ATP2C2: variants seen among roughly 807,000 people sequenced by gnomAD.
The protein encoded by ATP2C2 is ATPase secretory pathway Ca2+ transporting 2.
Under a neutral mutation model 110.8 loss-of-function variants are expected in ATP2C2, and 171 were observed. That is an observed-to-expected ratio of 1.54 (90% CI 1.36 to 1.75). The LOEUF is 1.75. Among genes scored for constraint, ATP2C2 ranks in the 40% most tolerant of loss-of-function variants. The pLI, the probability that ATP2C2 is intolerant of heterozygous loss-of-function variation, is 0.00. For missense variants in ATP2C2, 1,963 were observed against 1,235.0 expected (o/e 1.59, Z -8.84); for synonymous variants, 804 against 508.4 (o/e 1.58, Z -7.82).
intron 23 of ATP2C2, 114 bp from the exon 24 acceptor site, chr16:84,460,540 C>T: frequency 6.8e-6 from 10 of 1,468,980 alleles, no homozygotes; most frequent in South Asian, 1.1e-5. Context: ...TCAGCAAATG[C>T]CTGGCCCTGC....
chr16:84,446,058 G>A (rs1909719378), intron 15 of ATP2C2, among the ~76,000 whole-genome samples: 1 of 152,042 alleles, frequency 6.6e-6, no homozygotes, highest in African/African-American at 2.4e-5. Flanking sequence ...ATTCCTCCCG[G>A]CAGAAACACT....
At chr16:84,434,795 G>C (rs2150560682) in intron 11 of ATP2C2, among the ~76,000 whole-genome samples, 1 of 152,280 alleles carries the variant, frequency 6.6e-6, no homozygotes, top group South Asian at 2.1e-4. Flanking sequence ...TGGGAATGCA[G>C]GTGTGAGCCA....
chr16:84,372,612 A>G (rs1315358925), intron 1 of ATP2C2, among the ~76,000 whole-genome samples: 1 of 151,642 alleles, frequency 6.6e-6, no homozygotes, highest in Non-Finnish European at 1.5e-5. Context: ...TTTAGTAGAG[A>G]TGGGGGTTTC....
In ATP2C2 at chr16:84,439,524, G is replaced by A. The variant is rs756834716; in HGVS notation, c.1209G>A (p.Glu403=). The stretch of plus-strand genomic sequence containing the variant: ...TAACGTCAGATGGGCTTCGTGCCGA[G>A]GTGAGTGCCAAAGGAATTTACAAGC... ...QLVTSDGLRA[E]VSGVGYDGQG... is the part of the protein sequence containing the mutation. Residue 403 remains glutamate, a splice_region_variant and synonymous_variant, in exon 13 of 27, where the codon GAG becomes GAA. Coordinates refer to ENST00000262429, the MANE Select transcript of ATP2C2 (RefSeq NM_014861.4). The A allele has an allele frequency of 1.9e-6, 3 of 1,613,914 alleles. No homozygotes were observed. The East Asian group carries it at 6.7e-5, about 36-fold the overall frequency.
chr16:84,427,471 G>C (rs550818297), intron 11 of ATP2C2, among the ~76,000 whole-genome samples: 1 of 152,170 alleles, frequency 6.6e-6, no homozygotes, highest in South Asian at 2.1e-4. Context: ...TAATCCTAGC[G>C]CTTTGGGAGG....
At position 84,422,540 on chromosome 16, in the gene ATP2C2, G is replaced by A. The variant is rs772123494; in HGVS notation, c.774+1G>A. 3.1e-6 allele frequency: 5 copies of A among 1,613,682 alleles called. No homozygotes were observed. The Admixed American group carries it at 6.7e-5, about 22-fold the overall frequency. ...CCTGGTGCAGTATGGGAGGGGCCAG[G>A]TAAGCCCTGGGACACCGAGGCCTTG... is the stretch of plus-strand genomic sequence containing the variant. On this transcript the variant is annotated splice_donor_variant, in intron 8 of 26. Transcript: ENST00000262429. LOFTEE classifies it high-confidence loss of function.
intron 2 of ATP2C2, among the ~76,000 whole-genome samples, chr16:84,402,605 T>G (rs1474298616): frequency 6.6e-6 from 1 of 152,218 alleles, no homozygotes; most frequent in Non-Finnish European, 1.5e-5. Context: ...CATTAATTTG[T>G]GTATGGTGAA....
intron 1 of ATP2C2, among the ~76,000 whole-genome samples, chr16:84,375,858 A>AG (rs1910219644): frequency 6.6e-6 from 1 of 152,168 alleles, no homozygotes. Flanking sequence ...GTAGACAGAA[A>AG]AAAAGGAGAT....
chr16:84,422,526 A>G lies in ATP2C2; in HGVS notation c.761A>G (p.Tyr254Cys), dbSNP rs373166793. 1.4e-5 allele frequency: 23 copies of G among 1,613,882 alleles called. No individual in the cohort carries two copies. The highest frequency in any genetic ancestry group is 1.6e-4 in the Middle Eastern group (1 of 6,078). Residue 254 changes from tyrosine to cysteine, a missense_variant, in exon 8 of 27, where the codon TAT (tyrosine) becomes TGT (cysteine). Physicochemically the swap from Tyr to Cys is radical, Grantham distance 194. Coordinates refer to ENST00000262429, the MANE Select transcript of ATP2C2 (RefSeq NM_014861.4). ...GTCTTCATGGGGACCCTGGTGCAGT[A>G]TGGGAGGGGCCAGGTAAGCCCTGGG... ...NIVFMGTLVQ[Y>C]GRGQGVVIGT...
chr16:84,394,609 C>G (rs1182749505), intron 1 of ATP2C2, among the ~76,000 whole-genome samples: 3 of 152,072 alleles, frequency 2.0e-5, no homozygotes. Flanking sequence ...GAAGTCAAAA[C>G]TCAAGGAGTC....
intron 1 of ATP2C2, among the ~76,000 whole-genome samples, chr16:84,398,085 T>C (rs1455533242): frequency 2.6e-5 from 4 of 151,570 alleles, no homozygotes; most frequent in Non-Finnish European, 4.4e-5. Flanking sequence ...ATGCACACTG[T>C]GTGTGTGTGT....
chr16:84,387,187 G>C (rs1265156538), intron 1 of ATP2C2, among the ~76,000 whole-genome samples: 1 of 152,262 alleles, frequency 6.6e-6, no homozygotes, highest in East Asian at 1.9e-4. Flanking sequence ...GTATCTCCTG[G>C]AGGGCTTGCA....
intron 23 of ATP2C2, 133 bp downstream of exon 23, chr16:84,459,519 A>T (rs1195606507): frequency 6.4e-7 from 1 of 1,559,700 alleles, no homozygotes; most frequent in Non-Finnish European, 8.6e-7. Context: ...TTCCCAGAAA[A>T]CTGAAGTGTG....
At chr16:84,389,413 C>T (rs1904515469) in intron 1 of ATP2C2, among the ~76,000 whole-genome samples, 1 of 152,234 alleles carries the variant, frequency 6.6e-6, no homozygotes, top group African/African-American at 2.4e-5. Context: ...TCGGCTTGTT[C>T]ATGCCTCTGG....
intron 10 of ATP2C2, among the ~76,000 whole-genome samples, chr16:84,425,207 CT>C (rs1567714900): frequency 6.6e-6 from 1 of 152,230 alleles, no homozygotes; most frequent in Non-Finnish European, 1.5e-5. Flanking sequence ...CACCACCCAC[CT>C]TCCCAGTCCC....
Position 84,460,673 on chromosome 16 carries a change from G to A in ATP2C2, c.2353G>A (p.Asp785Asn), listed in dbSNP as rs769535560. 1 of 1,614,236 alleles carries A rather than the reference G, an allele frequency of 6.2e-7. No homozygotes were observed. The highest frequency in any genetic ancestry group is 8.5e-7 in the Non-Finnish European group (1 of 1,180,046). Residue 785 changes from aspartate to asparagine, a missense_variant, in exon 24 of 27, where the codon GAC becomes AAC. Physicochemically the swap from Asp to Asn is conservative, Grantham distance 23. Coordinates refer to ENST00000262429, the MANE Select transcript of ATP2C2 (RefSeq NM_014861.4). ...PAQSLGVEPVDKDAFRQPPRS... is the reference protein window; with the variant it reads ...PAQSLGVEPVNKDAFRQPPRS... ...GAGCAGCTTGGGGGTAGAGCCCGTT[G>A]ACAAAGACGCCTTCAGGCAGCCACC...
At chr16:84,370,596 G>A (rs956410053) in intron 1 of ATP2C2, among the ~76,000 whole-genome samples, 3 of 151,846 alleles carry the variant, frequency 2.0e-5, no homozygotes, top group Admixed American at 6.6e-5. Context: ...ATGTCCTCTC[G>A]TTGGAACTCC....
rs1909261507 is a variant in ATP2C2, at chr16:84,441,561, A to C, written c.1311+603A>C. On this transcript the variant is annotated intron_variant, in intron 14 of 26. Transcript: ENST00000262429. ...GTACAGTTCAGTGAGCGCCACTTGC[A>C]AAGGACCTGCCTCCAGGGGCCACTT... is the stretch of plus-strand genomic sequence containing the variant. Among the ~76,000 whole-genome samples, 6 of 152,232 alleles carry C rather than the reference A, an allele frequency of 3.9e-5. No individual in the cohort carries two copies. The South Asian group carries it at 1.2e-3, about 32-fold the overall frequency.
chr16:84,461,120 A>T lies in ATP2C2; in HGVS notation c.2481+319A>T, dbSNP rs116970659. The T allele has an allele frequency of 7.8e-4, 270 of 348,268 alleles. 6 individuals are homozygous for T. The East Asian group carries it at 0.014, about 17-fold the overall frequency. 21.6% of individuals were successfully genotyped at this position (348,268 alleles called of 1,614,324 possible). A position where few individuals can be genotyped will look rare whatever the true frequency, so the allele number is the denominator to read the frequency against. On this transcript the variant is annotated intron_variant, in intron 24 of 26. Coordinates refer to ENST00000262429, the MANE Select transcript of ATP2C2 (RefSeq NM_014861.4). ...CCCTTGTCACCAGGAAACAATTTGAAATCTGCTAAATATCCTCCTGTGTTA... is the reference window on the plus strand; with the variant it reads ...CCCTTGTCACCAGGAAACAATTTGATATCTGCTAAATATCCTCCTGTGTTA...
Sources: allele counts gnomAD v4.1 joint callset (sites outside exome capture counted in the v4.1 genomes callset), GRCh38; gene constraint gnomAD v4.1.1; transcripts MANE v1.5; gene names NCBI Gene and HGNC (gene_info 2026-07-23, HGNC 2026-07-21).